The following SLCO3A1 variants were observed in gnomAD, a reference collection of about 807,000 sequenced individuals.
SLCO3A1 encodes the protein PGE1 transporter.
Under a neutral mutation model 63.1 loss-of-function variants are expected in SLCO3A1, and 27 were observed. That is an observed-to-expected ratio of 0.43 (90% CI 0.32 to 0.59). The LOEUF (loss-of-function observed/expected upper bound fraction) is 0.59, where lower values mean the gene tolerates loss of function less well. Ranked by LOEUF, SLCO3A1 falls within the 20% of genes least tolerant of loss-of-function variation. The pLI, the probability that SLCO3A1 is intolerant of heterozygous loss-of-function variation, is 0.09. For missense variants in SLCO3A1, 773 were observed against 945.8 expected (o/e 0.82, Z 2.40); for synonymous variants, 473 against 409.9 (o/e 1.15, Z -1.86).
chr15:91,978,022 A>T (rs1901186268), intron 2 of SLCO3A1, among the ~76,000 whole-genome samples: 1 of 152,168 alleles, frequency 6.6e-6, no homozygotes, highest in Admixed American at 6.5e-5. Flanking sequence ...TGAATATTGA[A>T]ATAATTGATT....
Position 91,854,396 on chromosome 15 carries a change from G to C in SLCO3A1, c.180+308G>C. On this transcript the variant is annotated intron_variant, in intron 1 of 9. Transcript: ENST00000318445. The surrounding 1 kb of genome is among the most constrained non-coding windows in gnomAD (Gnocchi z 6.4). ...TGAAACTATTCCTCTCCCCCCATAA[G>C]AGCGGAGCGAGACGGTGAGTTCAGG... 1.9e-6 allele frequency: 2 copies of C among 1,044,482 alleles called. No homozygotes were observed. Among genetic ancestry groups the C allele is most frequent in the Non-Finnish European group, 2.3e-6 (2 of 865,916 alleles). 64.7% of individuals were successfully genotyped at this position (1,044,482 alleles called of 1,614,324 possible).
At chr15:92,127,869 C>T (rs116838880) in intron 6 of SLCO3A1, among the ~76,000 whole-genome samples, 1,579 of 152,212 alleles carry the variant, frequency 0.01, 24 homozygotes, top group African/African-American at 0.036. Flanking sequence ...AGCAAAGAGA[C>T]AAGAACCAGC....
chr15:92,131,478 C>A (rs1186471495), intron 7 of SLCO3A1, among the ~76,000 whole-genome samples: 1 of 144,090 alleles, frequency 6.9e-6, no homozygotes, highest in African/African-American at 2.5e-5. Context: ...GATTCTCCTG[C>A]CTCAGCCTCC....
chr15:91,992,111 A>G (rs929399085), intron 2 of SLCO3A1, among the ~76,000 whole-genome samples: 2 of 148,350 alleles, frequency 1.3e-5, no homozygotes, highest in African/African-American at 2.4e-5. Context: ...GTTCTAATCC[A>G]TACTTCAAGG....
intron 2 of SLCO3A1, among the ~76,000 whole-genome samples, chr15:92,046,799 A>G (rs566150286): frequency 4.7e-5 from 7 of 150,098 alleles, no homozygotes; most frequent in East Asian, 4.0e-4. Flanking sequence ...TAAAATCTCA[A>G]TTTTTCGTTG....
intron 5 of SLCO3A1, among the ~76,000 whole-genome samples, chr15:92,121,034 C>T (rs2047856787): frequency 6.6e-6 from 1 of 152,060 alleles, no homozygotes; most frequent in South Asian, 2.1e-4. Flanking sequence ...GGAAGCCATA[C>T]ACTCCCTACT....
At chr15:92,059,078 G>C (rs1349175370) in intron 2 of SLCO3A1, among the ~76,000 whole-genome samples, 1 of 152,172 alleles carries the variant, frequency 6.6e-6, no homozygotes, top group African/African-American at 2.4e-5. Flanking sequence ...AACCCACTCT[G>C]TCACTGCTCT....
intron 2 of SLCO3A1, among the ~76,000 whole-genome samples, chr15:92,002,732 T>C: frequency 6.6e-6 from 1 of 152,258 alleles, no homozygotes; most frequent in Non-Finnish European, 1.5e-5. Context: ...TTTTATTGAA[T>C]ATTCTATAAT....
intron 2 of SLCO3A1, among the ~76,000 whole-genome samples, chr15:91,918,966 T>C (rs1013377429): frequency 3.3e-5 from 5 of 152,304 alleles, no homozygotes; most frequent in African/African-American, 1.2e-4. Context: ...CGTGACACTA[T>C]AGTGGAGATT....
intron 2 of SLCO3A1, among the ~76,000 whole-genome samples, chr15:92,008,007 T>C (rs1208702586): frequency 3.9e-5 from 6 of 152,162 alleles, no homozygotes; most frequent in Non-Finnish European, 8.8e-5. Flanking sequence ...ATGTCTCCGA[T>C]GGGTCCAGAA....
intron 8 of SLCO3A1, among the ~76,000 whole-genome samples, chr15:92,148,053 C>G (rs1053852421): frequency 6.6e-6 from 1 of 152,102 alleles, no homozygotes; most frequent in African/African-American, 2.4e-5. Context: ...CTCTTCTCTA[C>G]AAAAAGTAGC....
chr15:92,029,044 A>C (rs531688525), intron 2 of SLCO3A1, among the ~76,000 whole-genome samples: 1 of 152,098 alleles, frequency 6.6e-6, no homozygotes, highest in Non-Finnish European at 1.5e-5. Context: ...GAGGACATAC[A>C]TTTAAGTAAA....
chr15:92,044,512 A>G (rs993126708), intron 2 of SLCO3A1, among the ~76,000 whole-genome samples: 1 of 151,996 alleles, frequency 6.6e-6, no homozygotes, highest in Non-Finnish European at 1.5e-5. Flanking sequence ...TTCATACCCA[A>G]GTGGACAGGA....
chr15:92,063,582 G>A (rs1231998217), intron 2 of SLCO3A1, among the ~76,000 whole-genome samples: 2 of 152,158 alleles, frequency 1.3e-5, no homozygotes, highest in African/African-American at 4.8e-5. Flanking sequence ...AAAATGGGCC[G>A]GGTGTGGTGG....
intron 2 of SLCO3A1, among the ~76,000 whole-genome samples, chr15:92,050,478 C>T (rs1394416378): frequency 1.3e-5 from 2 of 152,212 alleles, no homozygotes; most frequent in East Asian, 3.9e-4. Context: ...GGAAATGCCT[C>T]CTGCTCTCTG....
In SLCO3A1 at chr15:92,001,854, G is replaced by A. The variant is rs1330925061; in HGVS notation, c.646+85396G>A. The stretch of plus-strand genomic sequence containing the variant: ...TTTTTTTTTTTTTTTTTTTTTTTTT[G>A]AGACGGAGTCTCGCTCTGTCACCCA... On this transcript the variant is annotated intron_variant, in intron 2 of 9. Transcript: ENST00000318445. 1.2e-4 allele frequency among the ~76,000 whole-genome samples: 3 copies of A among 25,930 alleles called. No individual in the cohort carries two copies. In the East Asian group the frequency reaches 4.0e-3, roughly 35 times the overall value. 17.0% of individuals were successfully genotyped at this position (25,930 alleles called of 152,430 possible). A position where few individuals can be genotyped will look rare whatever the true frequency, so the allele number is the denominator to read the frequency against.
rs532970586 is a variant in SLCO3A1, at chr15:92,026,495, G to T, written c.647-68386G>T. ...TGAGTAGAATGCCTTAAAATGGAAA[G>T]TGTGGGACAAACAGGTTTACAAAGC... On this transcript the variant is annotated intron_variant, in intron 2 of 9. Coordinates refer to ENST00000318445, the MANE Select transcript of SLCO3A1 (RefSeq NM_013272.4). 2.0e-5 allele frequency among the ~76,000 whole-genome samples: 3 copies of T among 152,300 alleles called. No homozygotes were observed. In the South Asian group the frequency reaches 6.2e-4, roughly 32 times the overall value.
At chr15:92,131,838 G>T (rs1402408091) in intron 7 of SLCO3A1, among the ~76,000 whole-genome samples, 1 of 145,996 alleles carries the variant, frequency 6.8e-6, no homozygotes, top group Non-Finnish European at 1.5e-5. Flanking sequence ...CCAGCTCATT[G>T]CTTCCTCCAG....
At chr15:92,076,262 A>G (rs1445905138) in intron 2 of SLCO3A1, among the ~76,000 whole-genome samples, 2 of 152,164 alleles carry the variant, frequency 1.3e-5, no homozygotes, top group East Asian at 1.9e-4. Flanking sequence ...GTGAGAATGC[A>G]TCGGTTGCGT....
Sources: allele counts gnomAD v4.1 joint callset (sites outside exome capture counted in the v4.1 genomes callset), GRCh38; gene constraint gnomAD v4.1.1; non-coding constraint Gnocchi (gnomAD v3.1); transcripts MANE v1.5; gene names NCBI Gene and HGNC (gene_info 2026-07-23, HGNC 2026-07-21).